ARHGEF28: variants seen among roughly 807,000 people sequenced by gnomAD.
The protein encoded by ARHGEF28 is 190 kDa guanine nucleotide exchange factor.
ARHGEF28 carries 152 observed loss-of-function variants against 206.6 expected under a neutral mutation model. The ratio of observed to expected loss-of-function variants is 0.74; its 90% CI spans 0.64 to 0.84. The LOEUF (loss-of-function observed/expected upper bound fraction) is 0.84. ARHGEF28 is among the 40% of genes least tolerant of loss of function. The pLI, the probability that ARHGEF28 is intolerant of heterozygous loss-of-function variation, is 0.00. For missense variants in ARHGEF28, 2,028 were observed against 2,073.2 expected (o/e 0.98, Z 0.42); for synonymous variants, 763 against 776.4 (o/e 0.98, Z 0.29).
intron 9 of ARHGEF28, among the ~76,000 whole-genome samples, chr5:73,799,377 A>C (rs1349911070): frequency 6.6e-6 from 1 of 152,220 alleles, no homozygotes; most frequent in Non-Finnish European, 1.5e-5. Flanking sequence ...TCTACTTTTA[A>C]GAGGTTGAAT....
intron 13 of ARHGEF28, among the ~76,000 whole-genome samples, chr5:73,851,638 T>C (rs1222913958): frequency 6.6e-6 from 1 of 152,158 alleles, no homozygotes; most frequent in Non-Finnish European, 1.5e-5. Flanking sequence ...CGTTGTGAGC[T>C]GATGGATGGA....
intron 4 of ARHGEF28, among the ~76,000 whole-genome samples, chr5:73,769,545 T>G (rs902768445): frequency 6.6e-6 from 1 of 152,240 alleles, no homozygotes; most frequent in African/African-American, 2.4e-5. Context: ...TTCATTTTGA[T>G]TGTTAGAATA....
chr5:73,776,746 C>A, intron 6 of ARHGEF28, 50 bp downstream of exon 6: 1 of 1,493,022 alleles, frequency 6.7e-7, no homozygotes, highest in Non-Finnish European at 9.0e-7. Context: ...TCAGAGAATG[C>A]AGGCATCAAT....
At chr5:73,772,771 T>C (rs1753299448) in intron 4 of ARHGEF28, among the ~76,000 whole-genome samples, 1 of 152,190 alleles carries the variant, frequency 6.6e-6, no homozygotes, top group Admixed American at 6.5e-5. Context: ...CATAATGTAG[T>C]TAAGATTGCT....
In ARHGEF28 at chr5:73,794,379, C is replaced by A. The variant is rs150030845; in HGVS notation, c.911-23C>A. The A allele has an allele frequency of 8.1e-4, 1,269 of 1,572,626 alleles. 12 individuals are homozygous for A. In the African/African-American group the frequency reaches 0.012, roughly 14 times the overall value. ...TTAACAAAAGCTCCCATCAGCAGAT[C>A]CTGATAATTATTTCTTTTGCAGAGA... On this transcript the variant is annotated intron_variant, in intron 7 of 35. Transcript: ENST00000513042.
intron 22 of ARHGEF28, among the ~76,000 whole-genome samples, chr5:73,882,086 T>TG (rs34248565): frequency 0.14 from 20,912 of 151,704 alleles, 1,619 homozygotes; most frequent in East Asian, 0.28. Context: ...TGATTTTTTT[T>TG]GGGGGGCCAG....
intron 4 of ARHGEF28, 111 bp downstream of exon 4, chr5:73,753,313 T>A (rs183709213): frequency 1.2e-5 from 14 of 1,189,062 alleles, no homozygotes; most frequent in Non-Finnish European, 1.6e-5. Flanking sequence ...ACTTTTTACC[T>A]GAACCTTGCT....
intron 20 of ARHGEF28, among the ~76,000 whole-genome samples, chr5:73,869,079 C>T (rs1004437782): frequency 6.6e-6 from 1 of 152,110 alleles, no homozygotes; most frequent in Non-Finnish European, 1.5e-5. Context: ...GGAGTGGATT[C>T]TGCCCCAGGA....
intron 30 of ARHGEF28, 23 bp from the exon 31 acceptor site, chr5:73,901,159 TTC>T (rs774234867): frequency 1.2e-6 from 2 of 1,602,244 alleles, no homozygotes; most frequent in Admixed American, 3.4e-5. Context: ...TCCTTTTTGT[TTC>T]TGTCTCGATG....
At chr5:73,763,078 A>T (rs1438248345) in intron 4 of ARHGEF28, among the ~76,000 whole-genome samples, 1 of 152,218 alleles carries the variant, frequency 6.6e-6, no homozygotes, top group Non-Finnish European at 1.5e-5. Context: ...GAAAGAAGAA[A>T]TGTTGGTGTG....
intron 2 of ARHGEF28, among the ~76,000 whole-genome samples, chr5:73,717,975 T>A (rs1749693770): frequency 6.6e-6 from 1 of 152,068 alleles, no homozygotes; most frequent in Non-Finnish European, 1.5e-5. Flanking sequence ...GCCTCCTGAG[T>A]TCAAGTGATT....
At chr5:73,863,878 G>T (rs1043903134) in intron 16 of ARHGEF28, among the ~76,000 whole-genome samples, 7 of 152,024 alleles carry the variant, frequency 4.6e-5, no homozygotes, top group Non-Finnish European at 1.0e-4. Context: ...GGCCACTGGC[G>T]TGTTGACTGA....
intron 33 of ARHGEF28, 46 bp from the exon 34 acceptor site, chr5:73,909,366 C>T (rs553988511): frequency 7.7e-5 from 119 of 1,548,008 alleles, no homozygotes; most frequent in Non-Finnish European, 1.0e-4. Flanking sequence ...AAACAATAAC[C>T]ATGGAACCTT....
chr5:73,794,244 C>G (rs770057202), intron 7 of ARHGEF28, 158 bp from the exon 8 acceptor site: 5 of 572,512 alleles, frequency 8.7e-6, no homozygotes, highest in Non-Finnish European at 1.5e-5. Flanking sequence ...ATTAGACACT[C>G]TGCTCTGTGG....
At chr5:73,667,643 G>A (rs1746043282) in intron 1 of ARHGEF28, among the ~76,000 whole-genome samples, 1 of 152,086 alleles carries the variant, frequency 6.6e-6, no homozygotes, top group Non-Finnish European at 1.5e-5. Context: ...TTCTTTCCTG[G>A]ACAGCTTTTC....
chr5:73,675,613 G>T (rs932553279), intron 1 of ARHGEF28, among the ~76,000 whole-genome samples: 2 of 151,000 alleles, frequency 1.3e-5, no homozygotes, highest in Admixed American at 1.3e-4. Flanking sequence ...GGTGCCTGTG[G>T]TCCCAGCTAC....
At position 73,832,377 on chromosome 5, in the gene ARHGEF28, C is replaced by G. The variant is rs375134188; in HGVS notation, c.1064C>G (p.Ser355Trp). The change falls in exon 10 of 36, where the codon TCG becomes TGG. Residue 355 changes from serine to tryptophan, a missense_variant. Physicochemically the swap from Ser to Trp is radical, Grantham distance 177. Coordinates refer to ENST00000513042, the MANE Select transcript of ARHGEF28 (RefSeq NM_001177693.2). ...ATCCTAAAAAAATCCAAGCCGCCCT[C>G]GACATTGCTTGCTGCAGGCCGGCTT... ...FDILKKSKPP[S>W]TLLAAGRLSD... is the part of the protein sequence containing the mutation. The G allele has an allele frequency of 6.2e-7, 1 of 1,612,552 alleles. No homozygotes were observed. The highest frequency in any genetic ancestry group is 1.3e-5 in the African/African-American group (1 of 75,002).
chr5:73,740,025 T>A (rs62357691), intron 2 of ARHGEF28, among the ~76,000 whole-genome samples: 1 of 148,462 alleles, frequency 6.7e-6, no homozygotes, highest in East Asian at 2.0e-4. Context: ...AAAAAAAATT[T>A]AGCTAGGTGT....
At chr5:73,782,029 T>C (rs933005979) in intron 7 of ARHGEF28, among the ~76,000 whole-genome samples, 46 of 152,048 alleles carry the variant, frequency 3.0e-4, no homozygotes, top group African/African-American at 1.1e-3. Context: ...TGTTAATAGC[T>C]GGTCAATACT....
Sources: allele counts gnomAD v4.1 joint callset (sites outside exome capture counted in the v4.1 genomes callset), GRCh38; gene constraint gnomAD v4.1.1; transcripts MANE v1.5; gene names NCBI Gene and HGNC (gene_info 2026-07-23, HGNC 2026-07-21).